The following ZNF233 variants were observed in gnomAD, a reference collection of about 807,000 sequenced individuals.
ZNF233 encodes the protein zinc finger protein 233.
Under a neutral mutation model 11.6 loss-of-function variants are expected in ZNF233, and 7 were observed. That is an observed-to-expected ratio of 0.60 (90% CI 0.34 to 1.13). The LOEUF is 1.13. Ranked by LOEUF, ZNF233 falls within the 50% of genes most tolerant of loss-of-function variation. The pLI is 0.03. For synonymous variants in ZNF233, 226 were observed against 268.5 expected (o/e 0.84, Z 1.55); for missense variants, 711 against 785.5 (o/e 0.91, Z 1.13).
At chr19:44,261,469 G>A (rs1974934921) in intron 1 of ZNF233, among the ~76,000 whole-genome samples, 1 of 151,804 alleles carries the variant, frequency 6.6e-6, no homozygotes, top group Admixed American at 6.6e-5. Flanking sequence ...TCACAGTTTA[G>A]GCAATGACTG....
intron 4 of ZNF233, 44 bp from the exon 5 acceptor site, chr19:44,272,855 C>A: frequency 7.5e-7 from 1 of 1,330,512 alleles, no homozygotes; most frequent in Non-Finnish European, 1.0e-6. Flanking sequence ...AACAAATGTT[C>A]AGTTGTCTTC....
intron 4 of ZNF233, among the ~76,000 whole-genome samples, chr19:44,269,140 TTTTC>T (rs1302201151): frequency 6.6e-6 from 1 of 152,148 alleles, no homozygotes; most frequent in Non-Finnish European, 1.5e-5. Flanking sequence ...TTTTTAAAAA[TTTTC>T]TTTTTTTGTT....
chr19:44,263,406 TA>T (rs1429980157), intron 1 of ZNF233, among the ~76,000 whole-genome samples: 2 of 152,190 alleles, frequency 1.3e-5, no homozygotes, highest in Non-Finnish European at 2.9e-5. Flanking sequence ...ATTTGCTCAT[TA>T]ATCCCCAAAG....
At chr19:44,269,175 G>C (rs1599876127) in intron 4 of ZNF233, among the ~76,000 whole-genome samples, 1 of 149,576 alleles carries the variant, frequency 6.7e-6, no homozygotes. Context: ...TCATTTTTGT[G>C]TATAAACCTA....
intron 1 of ZNF233, among the ~76,000 whole-genome samples, chr19:44,262,448 A>C (rs1285983976): frequency 1.3e-5 from 2 of 152,220 alleles, no homozygotes; most frequent in Non-Finnish European, 2.9e-5. Context: ...GAGCTGAGCC[A>C]GGCACCCCAA....
chr19:44,261,801 G>A (rs1016507501), intron 1 of ZNF233, among the ~76,000 whole-genome samples: 5 of 151,724 alleles, frequency 3.3e-5, no homozygotes, highest in East Asian at 2.0e-4. Context: ...ACAGATGCCC[G>A]CCACCATGCC....
chr19:44,271,102 G>A (rs1233436), intron 4 of ZNF233, among the ~76,000 whole-genome samples: 34,332 of 152,018 alleles, frequency 0.23, 5,311 homozygotes, highest in African/African-American at 0.43. Context: ...ATGGGAATAA[G>A]TTTTCTAATT....
intron 3 of ZNF233, 125 bp downstream of exon 3, chr19:44,266,449 C>A: frequency 8.0e-7 from 1 of 1,253,902 alleles, no homozygotes. Context: ...TCTAATTCCT[C>A]AGGGACATCT....
intron 2 of ZNF233, 125 bp downstream of exon 2, chr19:44,264,500 C>T: frequency 2.4e-6 from 2 of 849,342 alleles, no homozygotes; most frequent in Non-Finnish European, 3.5e-6. Context: ...CTGCTAGTTA[C>T]TTGATTTTCG....
rs562922587 is a variant in ZNF233, at chr19:44,264,235, C to T, written c.-47-79C>T. The T allele has an allele frequency of 1.4e-4, 134 of 940,918 alleles. 1 individual carries two copies. The highest frequency in any genetic ancestry group is 2.0e-4 in the Non-Finnish European group (115 of 582,806). The allele number at this position is 940,918 out of a possible 1,614,324, so 58.3% of individuals were successfully genotyped here. On this transcript the variant is annotated intron_variant, in intron 1 of 4. Coordinates refer to ENST00000683810, the MANE Select transcript of ZNF233 (RefSeq NM_001207005.2). ...GATTACAGGCATGAGCCACCATGCC[C>T]GGCCACCTTTTAAAAATTCAGCCAG... is the stretch of plus-strand genomic sequence containing the variant.
At chr19:44,268,816 C>G (rs1975162937) in intron 4 of ZNF233, among the ~76,000 whole-genome samples, 1 of 150,888 alleles carries the variant, frequency 6.6e-6, no homozygotes, top group Non-Finnish European at 1.5e-5. Flanking sequence ...CTTTTCTTCA[C>G]TTCTTCCTTC....
chr19:44,274,475 A>G lies in ZNF233; in HGVS notation c.1815A>G (p.Ser605=), dbSNP rs146078644. The G allele has an allele frequency of 1.1e-4, 177 of 1,613,992 alleles. No homozygotes were observed. In the African/African-American group the frequency reaches 2.1e-3, roughly 19 times the overall value. ...GTAGGAAAGGCTTCATCTGGAACTC[A>G]TATCTTCATGTTCATCAGAGGATCC... ...EECRKGFIWN[S]YLHVHQRIHT... The change falls in exon 5 of 5, where the codon TCA becomes TCG. Residue 605 remains serine (S), a synonymous_variant. Coordinates refer to ENST00000683810, the MANE Select transcript of ZNF233 (RefSeq NM_001207005.2).
intron 2 of ZNF233, among the ~76,000 whole-genome samples, chr19:44,265,364 T>TAC (rs1464898857): frequency 2.6e-3 from 149 of 57,858 alleles, no homozygotes; most frequent in Admixed American, 5.0e-3. Context: ...ATCATATATA[T>TAC]ATACACACAC....
Position 44,273,304 on chromosome 19 carries a change from G to T in ZNF233, c.644G>T (p.Arg215Met). Residue 215 changes from arginine (R) to methionine (M), a missense_variant, in exon 5 of 5, where the codon AGG becomes ATG. Transcript: ENST00000683810. ...CTCTGTAAATGTGATCATTGTGTTA[G>T]GCAAAGAATTGCTCATCAACATGAT... ...NKLCKCDHCV[R>M]QRIAHQHDDH... The T allele has an allele frequency of 6.2e-7, 1 of 1,613,980 alleles. No homozygotes were observed. Among genetic ancestry groups the T allele is most frequent in the South Asian group, 1.1e-5 (1 of 91,078 alleles).
chr19:44,272,506 G>A (rs540137666), intron 4 of ZNF233, among the ~76,000 whole-genome samples: 9 of 151,696 alleles, frequency 5.9e-5, no homozygotes, highest in South Asian at 4.2e-4. Context: ...AGGCCGAGGC[G>A]GGCGGTTCAC....
chr19:44,270,346 T>TAAAAA (rs398034740), intron 4 of ZNF233, among the ~76,000 whole-genome samples: 3 of 72,720 alleles, frequency 4.1e-5, no homozygotes, highest in African/African-American at 6.1e-5. Flanking sequence ...CCATCTATAC[T>TAAAAA]AAAAAAAAAA....
At position 44,273,592 on chromosome 19, in the gene ZNF233, A is replaced by C. The variant is rs746715710; in HGVS notation, c.932A>C (p.Glu311Ala). The C allele has an allele frequency of 3.7e-6, 6 of 1,614,090 alleles. No homozygotes were observed. The highest frequency in any genetic ancestry group is 1.7e-5 in the Admixed American group (1 of 60,002). Residue 311 changes from glutamate (E) to alanine (A), a missense_variant, in exon 5 of 5, where the codon GAG becomes GCG. Glu to Ala is a moderately radical substitution (Grantham distance 107). Transcript: ENST00000683810. ...LPRHQCFHIG[E>A]KCYRNGDSGE... ...AGGCATCAGTGTTTCCACATAGGAGAGAAATGCTATAGGAATGGTGACAGT... is the reference window on the plus strand; with the variant it reads ...AGGCATCAGTGTTTCCACATAGGAGCGAAATGCTATAGGAATGGTGACAGT...
chr19:44,271,703 G>C (rs1409514345), intron 4 of ZNF233, among the ~76,000 whole-genome samples: 3 of 151,724 alleles, frequency 2.0e-5, no homozygotes, highest in Admixed American at 2.0e-4. Flanking sequence ...GTAGAGACGG[G>C]GTTTCACCAT....
chr19:44,270,113 A>G (rs1975197328), intron 4 of ZNF233, among the ~76,000 whole-genome samples: 1 of 152,156 alleles, frequency 6.6e-6, no homozygotes, highest in African/African-American at 2.4e-5. Flanking sequence ...CTAAAGGACT[A>G]TTTCAGAACA....
Sources: allele counts gnomAD v4.1 joint callset (sites outside exome capture counted in the v4.1 genomes callset), GRCh38; gene constraint gnomAD v4.1.1; transcripts MANE v1.5; gene names NCBI Gene and HGNC (gene_info 2026-07-23, HGNC 2026-07-21).